Variants in GLIPR1L2 observed in about 807,000 individuals in gnomAD.
GLIPR1L2 encodes the protein GLIPR1-like protein 2.
In GLIPR1L2, 21 loss-of-function variants were observed where a neutral mutation model predicts 28.4. The ratio of observed to expected loss-of-function variants is 0.74; its 90% confidence interval spans 0.52 to 1.06. The LOEUF (loss-of-function observed/expected upper bound fraction) is 1.06. GLIPR1L2 is among the 50% of genes least tolerant of loss of function. The probability of loss-of-function intolerance (pLI) is 0.00; values close to 1 mark genes in which losing one functional copy is unlikely to be tolerated. For synonymous variants in GLIPR1L2, 145 were observed against 139.3 expected (o/e 1.04, Z -0.29); for missense variants, 476 against 416.9 (o/e 1.14, Z -1.23).
rs766433979 is a variant in GLIPR1L2, at chr12:75,391,365, C to G, written c.234+15C>G. 97 of 1,610,316 alleles carry G rather than the reference C, an allele frequency of 6.0e-5. 1 individual carries two copies. Among genetic ancestry groups the G allele is most frequent in the South Asian group, 4.3e-4 (39 of 91,010 alleles). ...TGCGCTTCATGGTGAGGCCGGAAGG[C>G]GGTTTGCCGACCCTTCCACTACCGT... On this transcript the variant is annotated intron_variant, in intron 1 of 5. Transcript: ENST00000550916.
intron 4 of GLIPR1L2, among the ~76,000 whole-genome samples, chr12:75,425,782 G>A (rs1482561123): frequency 1.3e-5 from 2 of 152,050 alleles, no homozygotes; most frequent in Non-Finnish European, 2.9e-5. Context: ...GAAGCATACT[G>A]GGGGATTGAT....
rs771490137 is a variant in GLIPR1L2 at position 75,391,347 on chromosome 12, C to T, written c.231C>T (p.Phe77=). The T allele has an allele frequency of 3.1e-6, 5 of 1,613,608 alleles. No individual in the cohort carries two copies. In the East Asian group the frequency reaches 8.9e-5, roughly 29 times the overall value. ...TTCCCCGAGGGTCTAACTTGCGCTT[C>T]ATGGTGAGGCCGGAAGGCGGTTTGC... ...DVIPRGSNLR[F]MTWDVALSRT... The change falls in exon 1 of 6, where the codon TTC becomes TTT. Residue 77 remains phenylalanine (F), a synonymous_variant. Coordinates refer to ENST00000550916, the MANE Select transcript of GLIPR1L2 (RefSeq NM_001270396.2).
chr12:75,399,382 T>C (rs2139922560), intron 1 of GLIPR1L2, among the ~76,000 whole-genome samples: 1 of 152,290 alleles, frequency 6.6e-6, no homozygotes, highest in Non-Finnish European at 1.5e-5. Flanking sequence ...AAGGTAATAT[T>C]GCTTCATCCA....
intron 1 of GLIPR1L2, among the ~76,000 whole-genome samples, chr12:75,397,083 A>G (rs2045689180): frequency 6.6e-6 from 1 of 151,936 alleles, no homozygotes; most frequent in Non-Finnish European, 1.5e-5. Flanking sequence ...TATTAGATGT[A>G]TGTTTGACTT....
chr12:75,407,129 A>G (rs2045811252), intron 1 of GLIPR1L2, among the ~76,000 whole-genome samples: 1 of 152,020 alleles, frequency 6.6e-6, no homozygotes, highest in African/African-American at 2.4e-5. Context: ...ATGTCTCCTC[A>G]TAATAATTTT....
chr12:75,417,804 C>T (rs894420194), intron 3 of GLIPR1L2, among the ~76,000 whole-genome samples: 21 of 151,920 alleles, frequency 1.4e-4, no homozygotes, highest in African/African-American at 5.1e-4. Flanking sequence ...TAATTATTTA[C>T]TAGTCCTTAT....
chr12:75,411,810 G>T lies in GLIPR1L2; in HGVS notation c.480+1131G>T, dbSNP rs2045870770. ...AAAACCACTAAGGCTTGAGATAAAA[G>T]AATGAAACAAGAATGGTTCCTCTTT... On this transcript the variant is annotated intron_variant, in intron 2 of 5. Transcript: ENST00000550916. 2.0e-5 allele frequency among the ~76,000 whole-genome samples: 3 copies of T among 151,862 alleles called. No individual in the cohort carries two copies. The South Asian group carries it at 6.2e-4, about 31-fold the overall frequency.
rs1472069496 is a variant in GLIPR1L2 at position 75,432,680 on chromosome 12, C to T, written c.*1519C>T. 1 of 151,714 alleles carries T rather than the reference C, an allele frequency of 6.6e-6. No homozygotes were observed. Among genetic ancestry groups the T allele is most frequent in the Non-Finnish European group, 1.5e-5 (1 of 67,938 alleles). The allele number at this position is 151,714 out of a possible 1,614,324, so 9.4% of individuals were successfully genotyped here. A position where few individuals can be genotyped will look rare whatever the true frequency, so the allele number is the denominator to read the frequency against. On this transcript the variant is annotated 3_prime_UTR_variant, in exon 6 of 6. Transcript: ENST00000550916. The stretch of plus-strand genomic sequence containing the variant: ...ATTATATTAAAAAGCCCTGAGCTAT[C>T]CTCTTGGATTTGAATGTTTCTGTTT...
At chr12:75,423,119 C>T (rs781664074) in intron 4 of GLIPR1L2, 130 bp downstream of exon 4, 1 of 1,560,848 alleles carries the variant, frequency 6.4e-7, no homozygotes, top group South Asian at 1.2e-5. Context: ...ATTATGTTAT[C>T]AAAGGATGGT....
At chr12:75,413,346 A>G (rs1207662404) in intron 2 of GLIPR1L2, among the ~76,000 whole-genome samples, 3 of 148,304 alleles carry the variant, frequency 2.0e-5, no homozygotes, top group Non-Finnish European at 4.5e-5. Flanking sequence ...AAAGTATAAT[A>G]ATAATAAAAT....
In GLIPR1L2 at chr12:75,410,513, A is replaced by G. The variant is rs114490304; in HGVS notation, c.314A>G (p.Asp105Gly). The G allele has an allele frequency of 1.9e-6, 3 of 1,611,730 alleles. No individual in the cohort carries two copies. The highest frequency in any genetic ancestry group is 2.5e-6 in the Non-Finnish European group (3 of 1,178,640). The change falls in exon 2 of 6, where the codon GAT becomes GGT. Residue 105 changes from aspartate (D) to glycine (G), a missense_variant. Coordinates refer to ENST00000550916, the MANE Select transcript of GLIPR1L2 (RefSeq NM_001270396.2). ...CLFTHNIYLQDVQMVHPKFYG... is the reference protein window; with the variant it reads ...CLFTHNIYLQGVQMVHPKFYG... ...TTTACGCATAATATTTATTTACAAG[A>G]TGTACAAATGGTCCATCCTAAATTT... is the stretch of plus-strand genomic sequence containing the variant.
At chr12:75,396,011 C>T (rs1241632351) in intron 1 of GLIPR1L2, among the ~76,000 whole-genome samples, 1 of 152,050 alleles carries the variant, frequency 6.6e-6, no homozygotes, top group African/African-American at 2.4e-5. Flanking sequence ...TAAGCTCTTA[C>T]ACTCATACAT....
chr12:75,414,059 G>C (rs2045900129), intron 3 of GLIPR1L2, among the ~76,000 whole-genome samples: 1 of 151,976 alleles, frequency 6.6e-6, no homozygotes, highest in Non-Finnish European at 1.5e-5. Context: ...ATTGTTTCAT[G>C]AATATGTCAG....
intron 1 of GLIPR1L2, among the ~76,000 whole-genome samples, chr12:75,405,116 C>T (rs1343206294): frequency 2.6e-5 from 4 of 152,048 alleles, no homozygotes; most frequent in Admixed American, 6.5e-5. Context: ...AAATCAACGG[C>T]ACTAATGTAT....
intron 3 of GLIPR1L2, among the ~76,000 whole-genome samples, chr12:75,420,426 A>C (rs756985599): frequency 2.0e-5 from 3 of 152,174 alleles, no homozygotes; most frequent in Non-Finnish European, 4.4e-5. Flanking sequence ...AAATGGGTAC[A>C]CTTCTCTGTT....
At chr12:75,425,898 T>A (rs2046029718) in intron 4 of GLIPR1L2, among the ~76,000 whole-genome samples, 1 of 152,088 alleles carries the variant, frequency 6.6e-6, no homozygotes, top group South Asian at 2.1e-4. Context: ...TGGTGGTGAA[T>A]TGGAATTTTA....
intron 1 of GLIPR1L2, among the ~76,000 whole-genome samples, chr12:75,409,665 T>C (rs1232282452): frequency 6.8e-6 from 1 of 147,076 alleles, no homozygotes; most frequent in African/African-American, 2.5e-5. Context: ...AATATATATG[T>C]AATCTGATAT....
chr12:75,416,042 C>G (rs1425147254), intron 3 of GLIPR1L2, among the ~76,000 whole-genome samples: 1 of 151,896 alleles, frequency 6.6e-6, no homozygotes, highest in Non-Finnish European at 1.5e-5. Flanking sequence ...ATTCTGCCTA[C>G]CATAGAATGG....
intron 4 of GLIPR1L2, among the ~76,000 whole-genome samples, chr12:75,428,838 G>A (rs1221961456): frequency 6.6e-6 from 1 of 152,246 alleles, no homozygotes; most frequent in African/African-American, 2.4e-5. Flanking sequence ...CAAGCCCCAA[G>A]CCTTGGTAGC....
Sources: gnomAD v4.1 joint callset for allele counts (sites outside exome capture counted in the v4.1 genomes callset) on GRCh38, gnomAD v4.1.1 for gene constraint, MANE v1.5 for transcripts, NCBI Gene and HGNC (gene_info 2026-07-23, HGNC 2026-07-21) for gene names.